The following CASZ1 variants were observed in gnomAD, a reference collection of about 807,000 sequenced individuals.
CASZ1 encodes castor zinc finger 1.
CASZ1 carries 28 observed loss-of-function variants against 135.2 expected under a neutral mutation model. The observed-to-expected ratio is 0.21, with a 90% CI of 0.15 to 0.28. The LOEUF (loss-of-function observed/expected upper bound fraction) is 0.28, where lower values mean the gene tolerates loss of function less well. CASZ1 is among the 10% of genes least tolerant of loss of function. The pLI, the probability that CASZ1 is intolerant of heterozygous loss-of-function variation, is 1.00. For synonymous variants in CASZ1, 1,068 were observed against 1,073.4 expected (o/e 0.99, Z 0.10); for missense variants, 2,161 against 2,453.3 (o/e 0.88, Z 2.52).
chr1:10,787,307 A>T (rs956436107), intron 1 of CASZ1, among the ~76,000 whole-genome samples: 66 of 152,294 alleles, frequency 4.3e-4, no homozygotes, highest in African/African-American at 1.5e-3. Flanking sequence ...GCAGAAGGGT[A>T]GGGGAGTGGA....
rs1639062296 is a variant in CASZ1, at chr1:10,701,588, T to G, written c.-24+3904A>C. On this transcript the variant is annotated intron_variant, in intron 3 of 20. Coordinates refer to ENST00000377022, the MANE Select transcript of CASZ1 (RefSeq NM_001079843.3). The surrounding 1 kb of genome is among the most constrained non-coding windows in gnomAD (Gnocchi z 6.3). The stretch of plus-strand genomic sequence containing the variant: ...GGGCAAAGGGCTGGAGGGAGAACAG[T>G]GCGGGAGAGAGGAAGTACCACCAGG... 6.6e-6 allele frequency among the ~76,000 whole-genome samples: 1 copy of G among 152,216 alleles called. No individual in the cohort carries two copies. The highest frequency in any genetic ancestry group is 2.1e-4 in the South Asian group (1 of 4,814).
intron 2 of CASZ1, among the ~76,000 whole-genome samples, chr1:10,723,028 C>T (rs932290472): frequency 6.6e-6 from 1 of 152,240 alleles, no homozygotes; most frequent in Non-Finnish European, 1.5e-5. Flanking sequence ...CAGCTGAGCA[C>T]CAATGGGGTG....
chr1:10,662,249 CCACCCACCCCCACACA>C (rs1643062872), intron 5 of CASZ1, among the ~76,000 whole-genome samples: 1 of 130,368 alleles, frequency 7.7e-6, no homozygotes, highest in Non-Finnish European at 1.6e-5. Flanking sequence ...ACATTGACAC[CCACCCACCCCCACACA>C]CAGTCACATG....
At chr1:10,667,033 A>G (rs1643258063) in intron 4 of CASZ1, among the ~76,000 whole-genome samples, 1 of 152,212 alleles carries the variant, frequency 6.6e-6, no homozygotes. Flanking sequence ...GGCTGAGGGC[A>G]GGGCCCCCCG....
rs370756938 is a variant in CASZ1 at position 10,650,758 on chromosome 1, A to G, written c.2817-3T>C. 6 of 1,613,588 alleles carry G rather than the reference A, an allele frequency of 3.7e-6. No individual in the cohort carries two copies. The African/African-American group carries it at 4.0e-5, about 11-fold the overall frequency. ...CTGCGTGGCCATTTGATTCGTTGCT[A>G]GAACACACAAACCAAGGGACTTGAG... is the stretch of plus-strand genomic sequence containing the variant. On this transcript the variant is annotated splice_polypyrimidine_tract_variant and splice_region_variant and intron_variant, in intron 12 of 20. Transcript: ENST00000377022.
rs543129981 is a variant in CASZ1 at position 10,748,050 on chromosome 1, C to G, written c.-77+12651G>C. Reference sequence around the variant, plus strand: ...AGCCAGGATGGTCTTGATCTCCTGACCTCGTGATCCGCCCGCCTCGGCCTC... The same window carrying G: ...AGCCAGGATGGTCTTGATCTCCTGAGCTCGTGATCCGCCCGCCTCGGCCTC... On this transcript the variant is annotated intron_variant, in intron 2 of 20. Coordinates refer to ENST00000377022, the MANE Select transcript of CASZ1 (RefSeq NM_001079843.3). 6.6e-5 allele frequency among the ~76,000 whole-genome samples: 10 copies of G among 152,304 alleles called. No homozygotes were observed. The South Asian group carries it at 1.7e-3, about 25-fold the overall frequency.
intron 2 of CASZ1, among the ~76,000 whole-genome samples, chr1:10,729,819 T>A (rs559198408): frequency 7.4e-4 from 112 of 152,104 alleles, no homozygotes; most frequent in Non-Finnish European, 1.1e-3. Flanking sequence ...TTATTTTATT[T>A]TTTTTTTTAT....
At chr1:10,734,430 C>T (rs968585622) in intron 2 of CASZ1, among the ~76,000 whole-genome samples, 4 of 152,040 alleles carry the variant, frequency 2.6e-5, no homozygotes, top group Non-Finnish European at 5.9e-5. Context: ...CCAGTCCCCA[C>T]CTGCTAACAG....
chr1:10,740,255 C>T (rs1272210718), intron 2 of CASZ1, among the ~76,000 whole-genome samples: 2 of 152,232 alleles, frequency 1.3e-5, no homozygotes, highest in African/African-American at 2.4e-5. Flanking sequence ...TCCCCATTCC[C>T]AGAACCTGCT....
chr1:10,677,866 C>G (rs1465933160), intron 4 of CASZ1, among the ~76,000 whole-genome samples: 2 of 152,270 alleles, frequency 1.3e-5, no homozygotes, highest in East Asian at 1.9e-4. Context: ...GCAAGGACCC[C>G]AAATGGCTCT....
Position 10,734,664 on chromosome 1 carries a change from AAG to A in CASZ1, c.-77+26035_-77+26036del, listed in dbSNP as rs1317433689. 2.0e-5 allele frequency among the ~76,000 whole-genome samples: 3 copies of A among 152,188 alleles called. No individual in the cohort carries two copies. In the East Asian group the frequency reaches 5.8e-4, roughly 29 times the overall value. On this transcript the variant is annotated intron_variant, in intron 2 of 20. Transcript: ENST00000377022. ...GGTTTTTGTTTTAAGTAAAGAAAAA[AAG>A]AGAGAGAGAAAGAGAGAGAGAGGGA...
chr1:10,644,857 C>A (rs1034533812), intron 18 of CASZ1, 60 bp downstream of exon 18: 3 of 1,544,312 alleles, frequency 1.9e-6, no homozygotes, highest in East Asian at 2.3e-5. Flanking sequence ...GCCCAGGCCA[C>A]GGGGGCCATG....
intron 11 of CASZ1, 70 bp downstream of exon 11, chr1:10,653,307 C>T: frequency 6.7e-7 from 1 of 1,495,726 alleles, no homozygotes; most frequent in Non-Finnish European, 9.3e-7. Context: ...CTCTGCTCTG[C>T]AGCCTGAGGC....
chr1:10,688,668 G>A (rs775009532), intron 4 of CASZ1, among the ~76,000 whole-genome samples: 4 of 152,212 alleles, frequency 2.6e-5, no homozygotes, highest in Non-Finnish European at 5.9e-5. Flanking sequence ...AGCCTCCCAT[G>A]CCTCCTGGGT....
chr1:10,650,952 C>G lies in CASZ1; in HGVS notation c.2805G>C (p.Val935=). The G allele has an allele frequency of 6.2e-7, 1 of 1,603,834 alleles. No homozygotes were observed. Among genetic ancestry groups the G allele is most frequent in the Non-Finnish European group, 8.5e-7 (1 of 1,177,520 alleles). The change falls in exon 12 of 21, where the codon GTG becomes GTC. Residue 935 remains valine (V), a synonymous_variant. Transcript: ENST00000377022. The part of the protein sequence containing the change: ...ASQDRSLDLT[V]KEPSNESNGH... ...GGGCCTCGCCTCACCTGGGCTCCTT[C>G]ACAGTCAGGTCTAGACTGCGGTCCT...
At position 10,647,874 on chromosome 1, in the gene CASZ1, A is replaced by C; in HGVS notation, c.3424T>G (p.Ser1142Ala). Residue 1142 changes from serine to alanine, a missense_variant, in exon 16 of 21, where the codon TCG becomes GCG. Physicochemically the swap from Ser to Ala is moderately conservative, Grantham distance 99. Transcript: ENST00000377022. The surrounding 1 kb of genome is among the most constrained non-coding windows in gnomAD (Gnocchi z 4.9). The stretch of plus-strand genomic sequence containing the variant: ...TCTAGAGAAGTCGTTGCCAAGGGCG[A>C]GGCGGGCAGGTGAGGCACTGACGCT... ...IPASVPHLPA[S>A]PLATTSLENA... The C allele has an allele frequency of 6.2e-7, 1 of 1,613,622 alleles. No homozygotes were observed. Among genetic ancestry groups the C allele is most frequent in the Non-Finnish European group, 8.5e-7 (1 of 1,179,930 alleles).
At position 10,648,140 on chromosome 1, in the gene CASZ1, C is replaced by T; in HGVS notation, c.3159-1G>A. On this transcript the variant is annotated splice_acceptor_variant, in intron 15 of 20. Transcript: ENST00000377022. LOFTEE classifies it high-confidence loss of function. ...TCCTCCCTCTGTCCGGAAGTGGAAGCTGCGAGAGGTAGAAGAGGGGGTCTC... is the reference window on the plus strand; with the variant it reads ...TCCTCCCTCTGTCCGGAAGTGGAAGTTGCGAGAGGTAGAAGAGGGGGTCTC... 1 of 1,501,900 alleles carries T rather than the reference C, an allele frequency of 6.7e-7. No individual in the cohort carries two copies. Among genetic ancestry groups the T allele is most frequent in the Non-Finnish European group, 8.9e-7 (1 of 1,124,772 alleles). 93.0% of individuals were successfully genotyped at this position (1,501,900 alleles called of 1,614,324 possible).
At chr1:10,713,905 C>T (rs1639330942) in intron 2 of CASZ1, among the ~76,000 whole-genome samples, 1 of 152,240 alleles carries the variant, frequency 6.6e-6, no homozygotes, top group Admixed American at 6.5e-5. Flanking sequence ...CCGTCTGACC[C>T]ATCCCTCTTG....
chr1:10,744,725 C>T (rs1022792181), intron 2 of CASZ1, among the ~76,000 whole-genome samples: 3 of 126,874 alleles, frequency 2.4e-5, no homozygotes, highest in Admixed American at 1.5e-4. Context: ...GCAGGCATGT[C>T]CTGGGCGACA....
Sources: gnomAD v4.1 joint callset for allele counts (sites outside exome capture counted in the v4.1 genomes callset) on GRCh38, gnomAD v4.1.1 for gene constraint, Gnocchi (gnomAD v3.1) non-coding constraint, MANE v1.5 for transcripts, NCBI Gene and HGNC (gene_info 2026-07-23, HGNC 2026-07-21) for gene names.